The following FNDC3A variants were observed in gnomAD, a reference collection of about 807,000 sequenced individuals.
FNDC3A encodes fibronectin type III domain containing 3A.
A neutral mutation model predicts 148.9 loss-of-function variants in FNDC3A; 32 were observed. The observed-to-expected ratio is 0.21, with a 90% confidence interval of 0.16 to 0.29. The LOEUF is 0.29. Ranked by LOEUF, FNDC3A falls within the 10% of genes least tolerant of loss-of-function variation. The probability of loss-of-function intolerance (pLI) is 1.00; values close to 1 mark genes in which losing one functional copy is unlikely to be tolerated. For synonymous variants in FNDC3A, 472 were observed against 473.6 expected (o/e 1.00, Z 0.04); for missense variants, 1,191 against 1,452.8 (o/e 0.82, Z 2.93).
At chr13:48,992,134 T>C (rs900358640) in intron 1 of FNDC3A, among the ~76,000 whole-genome samples, 2 of 152,176 alleles carry the variant, frequency 1.3e-5, no homozygotes, top group African/African-American at 2.4e-5. Context: ...AATAATGCAA[T>C]TTTAGCAGAG....
intron 3 of FNDC3A, among the ~76,000 whole-genome samples, chr13:49,094,961 G>C (rs1056398766): frequency 5.9e-5 from 9 of 151,954 alleles, no homozygotes; most frequent in Non-Finnish European, 1.3e-4. Context: ...GGAAAATACA[G>C]ATCCATGGAA....
Position 49,145,846 on chromosome 13 carries a change from A to G in FNDC3A, c.888A>G (p.Glu296=). ...WSPPSSLING[E]TDESSVPELY... is the part of the protein sequence containing the mutation. ...CACCTTCCAGCCTCATTAATGGTGA[A>G]ACAGATGAAAGTAGTGTACCAGAGC... is the stretch of plus-strand genomic sequence containing the variant. The change falls in exon 8 of 26, where the codon GAA becomes GAG. Residue 296 remains glutamate, a synonymous_variant. Transcript: ENST00000492622. The G allele has an allele frequency of 6.2e-7, 1 of 1,613,598 alleles. No individual in the cohort carries two copies. The highest frequency in any genetic ancestry group is 8.5e-7 in the Non-Finnish European group (1 of 1,179,510).
At chr13:49,157,792 A>C (rs1257439889) in intron 8 of FNDC3A, among the ~76,000 whole-genome samples, 1 of 128,444 alleles carries the variant, frequency 7.8e-6, no homozygotes, top group Non-Finnish European at 1.6e-5. Context: ...GTGAGGTGTC[A>C]GTGTGCCCCT....
intron 8 of FNDC3A, among the ~76,000 whole-genome samples, chr13:49,163,441 G>C (rs187443463): frequency 6.6e-6 from 1 of 152,368 alleles, no homozygotes; most frequent in African/African-American, 2.4e-5. Flanking sequence ...CTCCATGCCA[G>C]GCCCTGGATA....
At chr13:49,196,080 C>CA (rs71076070) in intron 19 of FNDC3A, among the ~76,000 whole-genome samples, 20,757 of 71,026 alleles carry the variant, frequency 0.29, 2,916 homozygotes, top group East Asian at 0.4. Flanking sequence ...GACCTTGTCT[C>CA]AAAAAAAAAA....
At chr13:49,175,059 C>T (rs189640258) in intron 12 of FNDC3A, among the ~76,000 whole-genome samples, 42 of 152,218 alleles carry the variant, frequency 2.8e-4, no homozygotes, top group African/African-American at 8.7e-4. Flanking sequence ...TTAAAAGTTA[C>T]AACATTTACA....
chr13:49,189,040 TTTAC>T (rs765769953), intron 17 of FNDC3A, among the ~76,000 whole-genome samples: 9 of 152,214 alleles, frequency 5.9e-5, no homozygotes, highest in African/African-American at 1.2e-4. Flanking sequence ...CTTTCTAATA[TTTAC>T]TTACTTCAAA....
chr13:49,171,521 C>T (rs1014762535), intron 10 of FNDC3A, among the ~76,000 whole-genome samples: 1 of 152,124 alleles, frequency 6.6e-6, no homozygotes, highest in African/African-American at 2.4e-5. Context: ...AGGGAGACTG[C>T]ATACTTTTAC....
intron 14 of FNDC3A, among the ~76,000 whole-genome samples, chr13:49,183,485 G>A (rs559306352): frequency 4.6e-5 from 7 of 152,134 alleles, no homozygotes; most frequent in Non-Finnish European, 1.0e-4. Flanking sequence ...TTGGGTGGGG[G>A]GAGATTATCT....
At position 49,028,690 on chromosome 13, in the gene FNDC3A, AT is replaced by A. The variant is rs1873901918; in HGVS notation, c.99+22402del. On this transcript the variant is annotated intron_variant, in intron 2 of 25. Transcript: ENST00000492622. ...TAGAGACAAAGAAGGATGTTTTATA[AT>A]GATAAAAGGGTAAATCTGCCTCTAA... 2.0e-5 allele frequency among the ~76,000 whole-genome samples: 3 copies of A among 152,356 alleles called. No individual in the cohort carries two copies. In the South Asian group the frequency reaches 6.2e-4, roughly 32 times the overall value.
At chr13:49,089,038 G>A (rs562677408) in intron 3 of FNDC3A, among the ~76,000 whole-genome samples, 1 of 152,302 alleles carries the variant, frequency 6.6e-6, no homozygotes, top group Non-Finnish European at 1.5e-5. Flanking sequence ...TAGAGGGAGG[G>A]AAGAGTGGAG....
chr13:49,020,055 T>C (rs1383654786), intron 2 of FNDC3A, among the ~76,000 whole-genome samples: 2 of 152,222 alleles, frequency 1.3e-5, no homozygotes, highest in Admixed American at 1.3e-4. Flanking sequence ...GTAATCTGTG[T>C]ATATTTGTTA....
At chr13:49,027,797 A>G (rs958339996) in intron 2 of FNDC3A, among the ~76,000 whole-genome samples, 3 of 152,184 alleles carry the variant, frequency 2.0e-5, no homozygotes, top group Non-Finnish European at 2.9e-5. Flanking sequence ...GGAACAAAAA[A>G]GATATAATAT....
intron 5 of FNDC3A, among the ~76,000 whole-genome samples, chr13:49,135,089 T>G (rs975196415): frequency 6.6e-6 from 1 of 151,976 alleles, no homozygotes; most frequent in Non-Finnish European, 1.5e-5. Context: ...ACTCCTGACC[T>G]TGTGATCCAC....
In FNDC3A at chr13:49,070,005, A is replaced by G. The variant is rs142630183; in HGVS notation, c.100-5284A>G. Among the ~76,000 whole-genome samples the G allele has an allele frequency of 2.0e-5, 3 of 152,350 alleles. No individual in the cohort carries two copies. In the East Asian group the frequency reaches 5.8e-4, roughly 29 times the overall value. On this transcript the variant is annotated intron_variant, in intron 2 of 25. Transcript: ENST00000492622. Reference sequence around the variant, plus strand: ...TTTTAGATACATCAAGGAAATAAATATAAGCAATTAAGTTATATAAAAACT... The same window carrying G: ...TTTTAGATACATCAAGGAAATAAATGTAAGCAATTAAGTTATATAAAAACT...
chr13:49,079,539 G>C (rs936711121), intron 3 of FNDC3A, among the ~76,000 whole-genome samples: 2 of 152,174 alleles, frequency 1.3e-5, no homozygotes, highest in African/African-American at 4.8e-5. Flanking sequence ...CAGAGGGAAA[G>C]TGTTCAAAAG....
chr13:49,080,724 T>A lies in FNDC3A; in HGVS notation c.175+5360T>A, dbSNP rs150271403. ...CTTAGTTTTATGTTGTGAAGAGTTA[T>A]GAAAAATAGGGAATTAGGCAAGGTT... is the stretch of plus-strand genomic sequence containing the variant. On this transcript the variant is annotated intron_variant, in intron 3 of 25. Coordinates refer to ENST00000492622, the MANE Select transcript of FNDC3A (RefSeq NM_001079673.2). Among the ~76,000 whole-genome samples, 57 of 152,326 alleles carry A rather than the reference T, an allele frequency of 3.7e-4. No individual in the cohort carries two copies. In the East Asian group the frequency reaches 0.01, roughly 28 times the overall value.
intron 3 of FNDC3A, among the ~76,000 whole-genome samples, chr13:49,104,474 A>G (rs1397277858): frequency 7.9e-6 from 1 of 125,896 alleles, no homozygotes; most frequent in Admixed American, 8.6e-5. Context: ...CAGTGAGCTG[A>G]GATCGCGCCA....
At chr13:49,094,430 T>C (rs771802886) in intron 3 of FNDC3A, among the ~76,000 whole-genome samples, 41 of 152,138 alleles carry the variant, frequency 2.7e-4, no homozygotes, top group African/African-American at 4.8e-5. Flanking sequence ...TAAATCATTG[T>C]AAGTATTAAT....
Sources: gnomAD v4.1 joint callset for allele counts (sites outside exome capture counted in the v4.1 genomes callset) on GRCh38, gnomAD v4.1.1 for gene constraint, MANE v1.5 for transcripts, NCBI Gene and HGNC (gene_info 2026-07-23, HGNC 2026-07-21) for gene names.